The following AKR1C8 variants were observed in gnomAD, a reference collection of about 807,000 sequenced individuals.
The protein encoded by AKR1C8 is aldo-keto reductase family 1 member C8.
chr10:5,143,447 A>T, the AKR1C8 span, among the ~76,000 whole-genome samples: 7 of 151,624 alleles, frequency 4.6e-5, no homozygotes, highest in African/African-American at 1.7e-4. Context: ...TACTTTGATG[A>T]CTCCCCTGAT....
chr10:5,172,600 C>G, the AKR1C8 span, among the ~76,000 whole-genome samples: 1 of 152,020 alleles, frequency 6.6e-6, no homozygotes, highest in South Asian at 2.1e-4. Context: ...GCCTCTATAA[C>G]AAATTTTGAC....
At chr10:5,145,743 A>G in the AKR1C8 span, among the ~76,000 whole-genome samples, 143 of 152,154 alleles carry the variant, frequency 9.4e-4, no homozygotes, top group Non-Finnish European at 1.6e-3. Flanking sequence ...CTTTTACACT[A>G]TTGGTGGGAC....
chr10:5,156,852 A>T, the AKR1C8 span, among the ~76,000 whole-genome samples: 1 of 152,208 alleles, frequency 6.6e-6, no homozygotes, highest in Non-Finnish European at 1.5e-5. Flanking sequence ...GTAAATATTA[A>T]ACTCATAATA....
the AKR1C8 span, chr10:5,159,847 A>C: frequency 2.0e-6 from 1 of 487,832 alleles, no homozygotes; most frequent in African/African-American, 2.0e-5. Context: ...TGAACAGCAA[A>C]AAGTCAGAGA....
At chr10:5,158,130 C>A in the AKR1C8 span, among the ~76,000 whole-genome samples, 1 of 152,138 alleles carries the variant, frequency 6.6e-6, no homozygotes, top group Non-Finnish European at 1.5e-5. Context: ...CAAACTAATG[C>A]ACATGATCTC....
At chr10:5,184,176 A>G in the AKR1C8 span, among the ~76,000 whole-genome samples, 1 of 152,134 alleles carries the variant, frequency 6.6e-6, no homozygotes, top group Admixed American at 6.5e-5. Context: ...TTTCTCCAAG[A>G]CCAGTCAACA....
At chr10:5,132,831 A>G in the AKR1C8 span, 1 of 696,664 alleles carries the variant, frequency 1.4e-6, no homozygotes, top group Admixed American at 2.9e-5. Context: ...GTTCAGGCAC[A>G]AACAATGACC....
At chr10:5,139,674 G>A in the AKR1C8 span, among the ~76,000 whole-genome samples, 1 of 152,106 alleles carries the variant, frequency 6.6e-6, no homozygotes, top group Admixed American at 6.5e-5. Flanking sequence ...AGACTTAAAT[G>A]TTAGACCTAA....
chr10:5,154,200 T>C, the AKR1C8 span: 1 of 469,850 alleles, frequency 2.1e-6, no homozygotes, highest in African/African-American at 2.0e-5. Context: ...AGAAAAAATA[T>C]TAATTTAGTA....
chr10:5,157,804 T>C, the AKR1C8 span: 5 of 469,622 alleles, frequency 1.1e-5, no homozygotes, highest in African/African-American at 2.0e-5. Flanking sequence ...ATCCACCCTG[T>C]TGGGGAGGGA....
the AKR1C8 span, among the ~76,000 whole-genome samples, chr10:5,127,676 C>A: frequency 7.3e-6 from 1 of 137,224 alleles, no homozygotes; most frequent in Non-Finnish European, 1.5e-5. Context: ...GAGCCAAGAT[C>A]ATGCACCTGC....
the AKR1C8 span, among the ~76,000 whole-genome samples, chr10:5,170,522 GCCAA>G: frequency 6.6e-6 from 1 of 152,020 alleles, no homozygotes; most frequent in Non-Finnish European, 1.5e-5. Context: ...CCTTTTTAAA[GCCAA>G]CCCCATTTAT....
the AKR1C8 span, among the ~76,000 whole-genome samples, chr10:5,119,432 CACAAA>C: frequency 6.6e-5 from 10 of 152,094 alleles, no homozygotes; most frequent in Middle Eastern, 0.014. Context: ...TGTAAAAATG[CACAAA>C]ACAAGCATAA....
At chr10:5,185,053 A>T in the AKR1C8 span, 2 of 534,784 alleles carry the variant, frequency 3.7e-6, no homozygotes, top group Non-Finnish European at 7.7e-6. Flanking sequence ...ACTGGCATGA[A>T]GGGTCCATCA....
the AKR1C8 span, among the ~76,000 whole-genome samples, chr10:5,173,752 T>C: frequency 6.6e-6 from 1 of 152,046 alleles, no homozygotes; most frequent in Non-Finnish European, 1.5e-5. Flanking sequence ...TTTTAATTAA[T>C]GAAAAATAAT....
At chr10:5,127,589 T>C in the AKR1C8 span, among the ~76,000 whole-genome samples, 4 of 130,372 alleles carry the variant, frequency 3.1e-5, no homozygotes, top group African/African-American at 1.1e-4. Context: ...CATGCTGGCA[T>C]GTGCCTGTAA....
chr10:5,181,367 A>G, the AKR1C8 span, among the ~76,000 whole-genome samples: 17 of 152,338 alleles, frequency 1.1e-4, no homozygotes, highest in Admixed American at 7.2e-4. Flanking sequence ...AAAAGTTTTT[A>G]CTTTTTCAAA....
At chr10:5,126,824 C>A in the AKR1C8 span, among the ~76,000 whole-genome samples, 1 of 151,864 alleles carries the variant, frequency 6.6e-6, no homozygotes, top group Non-Finnish European at 1.5e-5. Context: ...TCTCTATAAC[C>A]AAGGAACTCA....
the AKR1C8 span, among the ~76,000 whole-genome samples, chr10:5,173,131 G>A: frequency 6.6e-6 from 1 of 152,088 alleles, no homozygotes; most frequent in Non-Finnish European, 1.5e-5. Context: ...CAGGCTACCA[G>A]AAGTTATTTT....
Sources: allele counts gnomAD v4.1 joint callset (sites outside exome capture counted in the v4.1 genomes callset), GRCh38; gene constraint gnomAD v4.1.1; transcripts MANE v1.5; gene names NCBI Gene and HGNC (gene_info 2026-07-23, HGNC 2026-07-21).